ADAMTS17: variants seen among roughly 807,000 people sequenced by gnomAD.
ADAMTS17 encodes the protein ADAM metallopeptidase with thrombospondin type 1 motif 17, also known as A disintegrin and metalloproteinase with thrombospondin motifs 17.
Under a neutral mutation model 141.5 loss-of-function variants are expected in ADAMTS17, and 113 were observed. The ratio of observed to expected loss-of-function variants is 0.80; its 90% CI spans 0.69 to 0.93. The LOEUF (loss-of-function observed/expected upper bound fraction) is 0.93, where lower values mean the gene tolerates loss of function less well. Ranked by LOEUF, ADAMTS17 falls within the 40% of genes least tolerant of loss-of-function variation. The pLI, the probability that ADAMTS17 is intolerant of heterozygous loss-of-function variation, is 0.00. For missense variants in ADAMTS17, 1,659 were observed against 1,517.9 expected (o/e 1.09, Z -1.54); for synonymous variants, 768 against 630.6 (o/e 1.22, Z -3.27).
At chr15:100,132,748 A>G (rs983001321) in intron 11 of ADAMTS17, among the ~76,000 whole-genome samples, 1 of 152,184 alleles carries the variant, frequency 6.6e-6, no homozygotes, top group African/African-American at 2.4e-5. Context: ...AAGACTGGAG[A>G]GAGGTCCTGG....
intron 3 of ADAMTS17, among the ~76,000 whole-genome samples, chr15:100,313,796 C>T (rs2045477553): frequency 1.4e-5 from 2 of 144,618 alleles, no homozygotes; most frequent in Admixed American, 6.9e-5. Flanking sequence ...ACAAAACCAC[C>T]CCAAACGTCA....
At chr15:100,047,971 T>C (rs77339953) in intron 18 of ADAMTS17, among the ~76,000 whole-genome samples, 5 of 152,190 alleles carry the variant, frequency 3.3e-5, no homozygotes, top group Admixed American at 3.3e-4. Context: ...CCTCACCTTC[T>C]TTTTTTCCTT....
rs112374137 is a variant in ADAMTS17, at chr15:100,169,128, G to C, written c.1182-13808C>G. ...GTCTGTGAAGGTTGCTACTCATTCA[G>C]GTCAGAGCCTCGGGAAGCCCAAGGC... On this transcript the variant is annotated intron_variant, in intron 8 of 21. Coordinates refer to ENST00000268070, the MANE Select transcript of ADAMTS17 (RefSeq NM_139057.4). 6.1e-3 allele frequency among the ~76,000 whole-genome samples: 935 copies of C among 152,298 alleles called. 12 individuals carry two copies. The highest frequency in any genetic ancestry group is 0.021 in the African/African-American group (860 of 41,558).
chr15:100,043,881 A>T (rs727861), intron 18 of ADAMTS17, among the ~76,000 whole-genome samples: 8,850 of 152,320 alleles, frequency 0.058, 828 homozygotes, highest in African/African-American at 0.19. Context: ...AGCCAGAATG[A>T]CTCTGAACTT....
chr15:100,014,930 T>G lies in ADAMTS17; in HGVS notation c.2592-17341A>C, dbSNP rs181693004. Among the ~76,000 whole-genome samples, 521 of 152,348 alleles carry G rather than the reference T, an allele frequency of 3.4e-3. 6 individuals are homozygous for G. Among genetic ancestry groups the G allele is most frequent in the African/African-American group, 0.011 (466 of 41,570 alleles). ...TTATTTCTTTGTTGACTTTCTGTTT[T>G]GATGAACTGTCTAGTGCTATCAGTG... On this transcript the variant is annotated intron_variant, in intron 18 of 21. Transcript: ENST00000268070.
intron 4 of ADAMTS17, among the ~76,000 whole-genome samples, chr15:100,277,691 G>A (rs761940186): frequency 1.1e-4 from 16 of 152,328 alleles, no homozygotes; most frequent in Non-Finnish European, 1.9e-4. Flanking sequence ...CGAGGAACAC[G>A]GAACTATTTC....
chr15:100,295,205 T>C (rs922777026), intron 3 of ADAMTS17, among the ~76,000 whole-genome samples: 4 of 152,204 alleles, frequency 2.6e-5, no homozygotes, highest in African/African-American at 4.8e-5. Context: ...CTTGGTGCCC[T>C]TGAAGTTTTA....
rs373353462 is a variant in ADAMTS17 at position 99,997,598 on chromosome 15, C to A, written c.2592-9G>T. 498 of 1,608,268 alleles carry A rather than the reference C, an allele frequency of 3.1e-4. No individual in the cohort carries two copies. The highest frequency in any genetic ancestry group is 4.0e-4 in the Non-Finnish European group (476 of 1,177,448). On this transcript the variant is annotated splice_polypyrimidine_tract_variant and intron_variant, in intron 18 of 21. Coordinates refer to ENST00000268070, the MANE Select transcript of ADAMTS17 (RefSeq NM_139057.4). The surrounding 1 kb of genome is among the most constrained non-coding windows in gnomAD (Gnocchi z 4.7). ...ACGGGCCTGCCACCCACCTGCCAGA[C>A]GGGAGGAAAGAGAGAGAGAACGACT...
intron 4 of ADAMTS17, among the ~76,000 whole-genome samples, chr15:100,274,150 T>G (rs1046771921): frequency 1.3e-5 from 2 of 152,180 alleles, no homozygotes; most frequent in African/African-American, 4.8e-5. Context: ...AAAAAAGTCT[T>G]CCATTGTTGT....
chr15:100,316,884 A>G (rs1196071969), intron 3 of ADAMTS17, among the ~76,000 whole-genome samples: 2 of 152,250 alleles, frequency 1.3e-5, no homozygotes, highest in Admixed American at 1.3e-4. Flanking sequence ...GCCCTGCCCA[A>G]GGCCACTAGG....
intron 7 of ADAMTS17, among the ~76,000 whole-genome samples, chr15:100,242,872 C>T (rs79412290): frequency 1.3e-5 from 2 of 152,192 alleles, no homozygotes; most frequent in African/African-American, 2.4e-5. Flanking sequence ...GTGTACGGTT[C>T]CGTGGCATTA....
intron 14 of ADAMTS17, among the ~76,000 whole-genome samples, chr15:100,106,145 C>T (rs1025375643): frequency 3.2e-4 from 48 of 152,192 alleles, no homozygotes; most frequent in Non-Finnish European, 6.8e-4. Context: ...TACAGGCCTC[C>T]ACCACCATGC....
chr15:100,196,312 G>C (rs2041113635), intron 8 of ADAMTS17, among the ~76,000 whole-genome samples: 1 of 152,222 alleles, frequency 6.6e-6, no homozygotes, highest in African/African-American at 2.4e-5. Flanking sequence ...TGAGTTAATT[G>C]CTGAAAATAA....
chr15:100,283,119 A>G (rs1005104790), intron 3 of ADAMTS17, among the ~76,000 whole-genome samples: 4 of 152,258 alleles, frequency 2.6e-5, no homozygotes, highest in African/African-American at 9.6e-5. Context: ...ACGATAAAAC[A>G]GAAGCTCTCG....
At chr15:100,153,047 G>A (rs2039262166) in intron 9 of ADAMTS17, among the ~76,000 whole-genome samples, 1 of 83,368 alleles carries the variant, frequency 1.2e-5, no homozygotes, top group Non-Finnish European at 2.9e-5. Flanking sequence ...TTTTACTGGG[G>A]AGTCTGAAAG....
At chr15:99,983,675 G>A (rs2060526079) in intron 20 of ADAMTS17, among the ~76,000 whole-genome samples, 1 of 152,158 alleles carries the variant, frequency 6.6e-6, no homozygotes, top group Non-Finnish European at 1.5e-5. Flanking sequence ...GCCCCCCACT[G>A]TCTCCCCGCA....
chr15:100,162,993 T>C (rs1363699863), intron 8 of ADAMTS17, among the ~76,000 whole-genome samples: 4 of 143,478 alleles, frequency 2.8e-5, no homozygotes, highest in African/African-American at 5.5e-5. Context: ...TATATAACTA[T>C]ATATGTATAT....
chr15:100,004,109 T>C (rs1050283667), intron 18 of ADAMTS17, among the ~76,000 whole-genome samples: 1 of 152,246 alleles, frequency 6.6e-6, no homozygotes, highest in African/African-American at 2.4e-5. Context: ...AAGCGAAGTG[T>C]TTCTTAAGCC....
At chr15:100,310,613 G>A (rs2898702) in intron 3 of ADAMTS17, among the ~76,000 whole-genome samples, 1 of 152,198 alleles carries the variant, frequency 6.6e-6, no homozygotes, top group South Asian at 2.1e-4. Flanking sequence ...GCAGATGTGA[G>A]CGAGACCTCT....
Sources: allele counts gnomAD v4.1 joint callset (sites outside exome capture counted in the v4.1 genomes callset), GRCh38; gene constraint gnomAD v4.1.1; non-coding constraint Gnocchi (gnomAD v3.1); transcripts MANE v1.5; gene names NCBI Gene and HGNC (gene_info 2026-07-23, HGNC 2026-07-21).